The following SH2D6 variants were observed in gnomAD, a reference collection of about 807,000 sequenced individuals.
SH2D6 encodes the protein SH2 domain-containing protein 6.
SH2D6 carries 31 observed loss-of-function variants against 30.2 expected under a neutral mutation model. The ratio of observed to expected loss-of-function variants is 1.03; its 90% confidence interval spans 0.77 to 1.38. The LOEUF (loss-of-function observed/expected upper bound fraction) is 1.38, where lower values mean the gene tolerates loss of function less well. SH2D6 is among the 40% of genes most tolerant of loss of function. The pLI is 0.00. For missense variants in SH2D6, 240 were observed against 266.8 expected (o/e 0.90, Z 0.70); for synonymous variants, 93 against 104.6 (o/e 0.89, Z 0.68).
At chr2:85,435,010 T>TTTCCC in intron 19 of SH2D6, 55 bp from the exon 20 acceptor site, 1 of 1,530,096 alleles carries the variant, frequency 6.5e-7, no homozygotes, top group Non-Finnish European at 8.8e-7. Flanking sequence ...AAGCCACCTT[T>TTTCCC]GCCCACCCCC....
chr2:85,424,810 G>C (rs1687916532), intron 5 of SH2D6, among the ~76,000 whole-genome samples: 1 of 151,528 alleles, frequency 6.6e-6, no homozygotes, highest in Non-Finnish European at 1.5e-5. Flanking sequence ...GCTTACGCCT[G>C]TAATCCCAGC....
intron 6 of SH2D6, among the ~76,000 whole-genome samples, chr2:85,428,184 T>C (rs1230745615): frequency 1.3e-5 from 2 of 152,170 alleles, no homozygotes; most frequent in Non-Finnish European, 2.9e-5. Flanking sequence ...ACAGAGCCCC[T>C]GGAAGTCATG....
rs1348144717 is a variant in SH2D6 at position 85,434,030 on chromosome 2, C to T, written c.455-3C>T. ...GAGCCCAGCCTGCCCCTCCCTGTTT[C>T]AGTCCTGGCTTTGACTCAGACTCTC... On this transcript the variant is annotated splice_region_variant and splice_polypyrimidine_tract_variant and intron_variant, in intron 16 of 23. Coordinates refer to ENST00000469800, the MANE Select transcript of SH2D6 (RefSeq NM_001394463.1). 6.5e-7 allele frequency: 1 copy of T among 1,550,180 alleles called. No individual in the cohort carries two copies.
rs936856820 is a variant in SH2D6, at chr2:85,433,111, C to T, written c.383C>T (p.Ser128Leu). Residue 128 changes from serine to leucine, a missense_variant, in exon 15 of 24, where the codon TCG (serine) becomes TTG (leucine). Coordinates refer to ENST00000469800, the MANE Select transcript of SH2D6 (RefSeq NM_001394463.1). The part of the protein sequence containing the change: ...PIFGRREQGA[S>L]SRVVPGPPKK... ...CTTTTCCTTTCAGAGCAGGGTGCAT[C>T]GTCCAGAGTGGTGAGCAGCCCCTCC... The T allele has an allele frequency of 4.1e-6, 4 of 985,800 alleles. No individual in the cohort carries two copies. Among genetic ancestry groups the T allele is most frequent in the Admixed American group, 6.1e-5 (1 of 16,272 alleles). The allele number at this position is 985,800 out of a possible 1,614,324, so 61.1% of individuals were successfully genotyped here.
chr2:85,435,062 T>C lies in SH2D6; in HGVS notation c.590-3T>C. ...CCCCAGCTCAATAATCTGCTTCTTC[T>C]AGAAGGAAGGAAATCGTCTCTTCCC... On this transcript the variant is annotated splice_polypyrimidine_tract_variant and splice_region_variant and intron_variant, in intron 19 of 23. Coordinates refer to ENST00000469800, the MANE Select transcript of SH2D6 (RefSeq NM_001394463.1). The C allele has an allele frequency of 7.1e-7, 1 of 1,403,498 alleles. No individual in the cohort carries two copies. Among genetic ancestry groups the C allele is most frequent in the Non-Finnish European group, 9.5e-7 (1 of 1,048,074 alleles). The allele number at this position is 1,403,498 out of a possible 1,614,324, so 86.9% of individuals were successfully genotyped here. A position where few individuals can be genotyped will look rare whatever the true frequency, so the allele number is the denominator to read the frequency against.
intron 6 of SH2D6, among the ~76,000 whole-genome samples, chr2:85,425,732 C>T (rs1247473533): frequency 6.6e-6 from 1 of 152,198 alleles, no homozygotes; most frequent in Non-Finnish European, 1.5e-5. Context: ...CTGGCAGAGC[C>T]ACCCTGGACA....
At chr2:85,426,214 C>T (rs1688038417) in intron 6 of SH2D6, among the ~76,000 whole-genome samples, 1 of 152,210 alleles carries the variant, frequency 6.6e-6, no homozygotes, top group South Asian at 2.1e-4. Context: ...ACTCCACTCA[C>T]ACCACGGGTC....
intron 19 of SH2D6, 168 bp from the exon 20 acceptor site, chr2:85,434,897 A>G (rs1181696410): frequency 1.0e-5 from 16 of 1,583,042 alleles, no homozygotes; most frequent in Non-Finnish European, 1.3e-5. Flanking sequence ...GGGTCCTGCC[A>G]GGGCACTGGA....
intron 15 of SH2D6, 133 bp downstream of exon 15, chr2:85,433,254 C>A: frequency 1.6e-6 from 1 of 640,932 alleles, no homozygotes; most frequent in Non-Finnish European, 1.9e-6. Context: ...AGGGCCCCTG[C>A]CCCTCAGCCA....
chr2:85,423,345 T>C (rs1687819029), intron 5 of SH2D6, among the ~76,000 whole-genome samples: 1 of 152,112 alleles, frequency 6.6e-6, no homozygotes, highest in African/African-American at 2.4e-5. Context: ...GATTCTCCTG[T>C]CTCAGCCTCC....
intron 2 of SH2D6, among the ~76,000 whole-genome samples, chr2:85,421,048 C>T (rs1687731177): frequency 6.6e-6 from 1 of 152,246 alleles, no homozygotes. Flanking sequence ...CGTCGGGGAG[C>T]CACTGTGTCC....
At chr2:85,434,635 A>C (rs1269490528) in intron 19 of SH2D6, 138 bp downstream of exon 19, 30 of 1,249,796 alleles carry the variant, frequency 2.4e-5, no homozygotes, top group Admixed American at 8.0e-5. Flanking sequence ...AAAAAAAAAA[A>C]CTAGGTGAAT....
intron 8 of SH2D6, 46 bp downstream of exon 8, chr2:85,429,514 C>G (rs1273770148): frequency 6.6e-6 from 1 of 152,656 alleles, no homozygotes; most frequent in Non-Finnish European, 1.5e-5. Context: ...AACCTGCCCA[C>G]CTGGGAGGCC....
chr2:85,419,289 A>G (rs762436158), intron 2 of SH2D6, 45 bp downstream of exon 2: 56 of 152,384 alleles, frequency 3.7e-4, no homozygotes, highest in Middle Eastern at 3.4e-3. Flanking sequence ...GGGCGCTCGC[A>G]TTCAGCATCC....
chr2:85,434,112 G>A lies in SH2D6; in HGVS notation c.533+1G>A, dbSNP rs961472034. 49 of 1,550,318 alleles carry A rather than the reference G, an allele frequency of 3.2e-5. No individual in the cohort carries two copies. Among genetic ancestry groups the A allele is most frequent in the Middle Eastern group, 1.7e-4 (1 of 6,014 alleles). On this transcript the variant is annotated splice_donor_variant, in intron 17 of 23. Transcript: ENST00000469800. LOFTEE classifies it high-confidence loss of function. ...TGCCCAGGACATCAGTGGTGCCCAG[G>A]TAAGTGCCCCACCAGGTGTGCACCT...
chr2:85,426,435 C>A (rs1404948245), intron 6 of SH2D6, among the ~76,000 whole-genome samples: 5 of 152,158 alleles, frequency 3.3e-5, no homozygotes, highest in Non-Finnish European at 2.9e-5. Flanking sequence ...TTTCACCCGC[C>A]TAAGGCCGTA....
chr2:85,432,390 T>TGTTTG (rs377566305), intron 14 of SH2D6, among the ~76,000 whole-genome samples: 1 of 150,370 alleles, frequency 6.7e-6, no homozygotes, highest in Non-Finnish European at 1.5e-5. Context: ...TATTTATTTT[T>TGTTTG]TTTGTTTTGT....
At chr2:85,423,524 C>T (rs191687407) in intron 5 of SH2D6, among the ~76,000 whole-genome samples, 17 of 152,304 alleles carry the variant, frequency 1.1e-4, no homozygotes, top group Admixed American at 9.8e-4. Context: ...TGAGCCACTG[C>T]ACCTGGCCAA....
rs1043562294 is a variant in SH2D6, at chr2:85,419,224, A to G, written c.-597A>G. ...GTCGGCGCCCTGCGCCCAGGCATCA[A>G]TTTTACATGGCAGAGTCAAGGTGAG... On this transcript the variant is annotated 5_prime_UTR_variant, in exon 2 of 24. Transcript: ENST00000469800. The G allele has an allele frequency of 3.3e-5, 5 of 152,306 alleles. No individual in the cohort carries two copies. The highest frequency in any genetic ancestry group is 4.8e-5 in the African/African-American group (2 of 41,444). 9.4% of individuals were successfully genotyped at this position (152,306 alleles called of 1,614,324 possible). A position where few individuals can be genotyped will look rare whatever the true frequency, so the allele number is the denominator to read the frequency against.
Sources: allele counts gnomAD v4.1 joint callset (sites outside exome capture counted in the v4.1 genomes callset), GRCh38; gene constraint gnomAD v4.1.1; transcripts MANE v1.5; gene names NCBI Gene and HGNC (gene_info 2026-07-23, HGNC 2026-07-21).